Variants in FIG4 observed in about 807,000 individuals in gnomAD.
FIG4 encodes the protein polyphosphoinositide phosphatase.
Under a neutral mutation model 118.6 loss-of-function variants are expected in FIG4, and 112 were observed. The ratio of observed to expected loss-of-function variants is 0.94; its 90% CI spans 0.81 to 1.11. FIG4 has a LOEUF of 1.11. Among genes scored for constraint, FIG4 ranks in the 50% least tolerant of loss-of-function variants. FIG4 has a pLI of 0.00. For missense variants in FIG4, 969 were observed against 1,111.7 expected (o/e 0.87, Z 1.83); for synonymous variants, 369 against 381.2 (o/e 0.97, Z 0.37).
At chr6:109,735,353 T>G in intron 6 of FIG4, 55 bp downstream of exon 6, 2 of 1,482,958 alleles carry the variant, frequency 1.3e-6, no homozygotes, top group South Asian at 2.3e-5. Flanking sequence ...TGAAGTGATA[T>G]CTTATTAAAT....
At chr6:109,795,137 A>T (rs1405727879) in intron 21 of FIG4, among the ~76,000 whole-genome samples, 8 of 34,312 alleles carry the variant, frequency 2.3e-4, no homozygotes, top group South Asian at 9.7e-4. Flanking sequence ...TTTTTTTTTG[A>T]GACGGAGTCT....
chr6:109,798,972 T>C (rs1457699359), intron 22 of FIG4, among the ~76,000 whole-genome samples: 1 of 152,142 alleles, frequency 6.6e-6, no homozygotes, highest in Non-Finnish European at 1.5e-5. Context: ...AATAAGAGAC[T>C]CTATTAACCA....
intron 15 of FIG4, among the ~76,000 whole-genome samples, chr6:109,773,676 G>GTTGT (rs1193762297): frequency 6.6e-6 from 1 of 152,048 alleles, no homozygotes; most frequent in Non-Finnish European, 1.5e-5. Context: ...TGCTATTCTT[G>GTTGT]TTGTTTGTTT....
rs570248125 is a variant in FIG4, at chr6:109,698,198, T to A, written c.66+6697T>A. 2.0e-5 allele frequency among the ~76,000 whole-genome samples: 3 copies of A among 152,062 alleles called. No homozygotes were observed. The South Asian group carries it at 6.2e-4, about 32-fold the overall frequency. On this transcript the variant is annotated intron_variant, in intron 1 of 22. Coordinates refer to ENST00000230124, the MANE Select transcript of FIG4 (RefSeq NM_014845.6). ...CCACCGTGCCTGGCCTGTTTTTTTT[T>A]TTTATTTTTTTATTTTTTAGTGTCA...
intron 16 of FIG4, among the ~76,000 whole-genome samples, chr6:109,784,100 A>G (rs1777883921): frequency 6.6e-6 from 1 of 152,018 alleles, no homozygotes; most frequent in Non-Finnish European, 1.5e-5. Context: ...ATTTATATTA[A>G]AATCTCTTTT....
intron 22 of FIG4, among the ~76,000 whole-genome samples, chr6:109,799,457 T>G (rs957138362): frequency 6.6e-6 from 1 of 152,360 alleles, no homozygotes; most frequent in South Asian, 2.1e-4. Context: ...TTTTTAGATT[T>G]CTAAAGCTAT....
chr6:109,718,818 A>G (rs2128382046), intron 3 of FIG4, among the ~76,000 whole-genome samples: 1 of 152,364 alleles, frequency 6.6e-6, no homozygotes, highest in African/African-American at 2.4e-5. Flanking sequence ...TTTTAAATTT[A>G]AGAAAAAAAT....
chr6:109,769,197 G>T (rs1428012678), intron 15 of FIG4, among the ~76,000 whole-genome samples: 1 of 151,742 alleles, frequency 6.6e-6, no homozygotes, highest in Non-Finnish European at 1.5e-5. Flanking sequence ...CCGCCTCCCG[G>T]GTTCAAGCGA....
chr6:109,733,421 T>A (rs1377937142), intron 5 of FIG4, among the ~76,000 whole-genome samples: 1 of 152,064 alleles, frequency 6.6e-6, no homozygotes, highest in Non-Finnish European at 1.5e-5. Flanking sequence ...CTATCAGCTA[T>A]AATATCCAAA....
At chr6:109,820,753 A>C (rs2128401845) in intron 22 of FIG4, among the ~76,000 whole-genome samples, 1 of 152,302 alleles carries the variant, frequency 6.6e-6, no homozygotes, top group South Asian at 2.1e-4. Context: ...ACAAAAAAAC[A>C]GAACAACTGG....
At chr6:109,797,080 T>C (rs1224185892) in intron 22 of FIG4, among the ~76,000 whole-genome samples, 1 of 152,188 alleles carries the variant, frequency 6.6e-6, no homozygotes, top group African/African-American at 2.4e-5. Context: ...GGTTTGGCAT[T>C]GTTGGAGGCT....
intron 22 of FIG4, among the ~76,000 whole-genome samples, chr6:109,802,817 T>C (rs905424660): frequency 6.6e-6 from 1 of 152,222 alleles, no homozygotes; most frequent in African/African-American, 2.4e-5. Context: ...CTTCCATTAT[T>C]TCCAGTGAAT....
chr6:109,717,990 A>G (rs1399724788), intron 3 of FIG4, among the ~76,000 whole-genome samples: 2 of 152,322 alleles, frequency 1.3e-5, no homozygotes, highest in Admixed American at 1.3e-4. Flanking sequence ...GAGACTGGGT[A>G]ATTTATAAAG....
intron 3 of FIG4, among the ~76,000 whole-genome samples, chr6:109,719,228 T>C (rs1469755727): frequency 1.3e-5 from 2 of 152,166 alleles, no homozygotes; most frequent in African/African-American, 4.8e-5. Flanking sequence ...CACAACTTTT[T>C]TGATAGGCAT....
chr6:109,754,573 ACT>A (rs996701696), intron 10 of FIG4, among the ~76,000 whole-genome samples: 32 of 151,666 alleles, frequency 2.1e-4, no homozygotes, highest in African/African-American at 7.5e-4. Flanking sequence ...CTGGTCCTGG[ACT>A]CTTTTTAGTT....
chr6:109,706,378 TCC>T (rs1775066211), intron 1 of FIG4, among the ~76,000 whole-genome samples: 1 of 152,152 alleles, frequency 6.6e-6, no homozygotes, highest in Admixed American at 6.5e-5. Flanking sequence ...GCTCTGACCA[TCC>T]CCAGATAAGT....
chr6:109,824,418 T>C (rs1240440236), intron 22 of FIG4, among the ~76,000 whole-genome samples: 1 of 152,170 alleles, frequency 6.6e-6, no homozygotes, highest in East Asian at 1.9e-4. Context: ...TGGGGGTGAT[T>C]ATTGTCAGCT....
At chr6:109,805,831 ATAAC>A in intron 22 of FIG4, among the ~76,000 whole-genome samples, 1 of 152,318 alleles carries the variant, frequency 6.6e-6, no homozygotes, top group East Asian at 1.9e-4. Flanking sequence ...CAAAATATAA[ATAAC>A]TAAATTGGTA....
chr6:109,728,981 AATTAT>A (rs1366624705), intron 4 of FIG4, among the ~76,000 whole-genome samples: 1 of 152,160 alleles, frequency 6.6e-6, no homozygotes, highest in African/African-American at 2.4e-5. Flanking sequence ...AATAAGATAC[AATTAT>A]ATTAATAGTT....
Sources: allele counts gnomAD v4.1 joint callset (sites outside exome capture counted in the v4.1 genomes callset), GRCh38; gene constraint gnomAD v4.1.1; transcripts MANE v1.5; gene names NCBI Gene and HGNC (gene_info 2026-07-23, HGNC 2026-07-21).